The following PLXNA4 variants were observed in gnomAD, a reference collection of about 807,000 sequenced individuals.
PLXNA4 encodes plexin A4.
In PLXNA4, 44 loss-of-function variants were observed where a neutral mutation model predicts 191.8. That is an observed-to-expected ratio of 0.23 (90% confidence interval 0.18 to 0.29). The LOEUF (loss-of-function observed/expected upper bound fraction) is 0.29. Ranked by LOEUF, PLXNA4 falls within the 10% of genes least tolerant of loss-of-function variation. The probability of loss-of-function intolerance (pLI) is 1.00; values close to 1 mark genes in which losing one functional copy is unlikely to be tolerated. For missense variants in PLXNA4, 1,800 were observed against 2,488.8 expected (o/e 0.72, Z 5.89); for synonymous variants, 1,082 against 1,009.5 (o/e 1.07, Z -1.36).
intron 2 of PLXNA4, among the ~76,000 whole-genome samples, chr7:132,606,637 A>G (rs1235793906): frequency 6.6e-6 from 1 of 151,374 alleles, no homozygotes; most frequent in Non-Finnish European, 1.5e-5. Flanking sequence ...TGCATTTCCA[A>G]AACAAGCATT....
rs111380964 is a variant in PLXNA4, at chr7:132,151,003, G to T, written c.4661-2357C>A. Reference sequence around the variant, plus strand: ...GTAGAGCATGGTCATGTCTCCTTGGGAATTATCTCAAAAAGTCAGGAATGT... The same window carrying T: ...GTAGAGCATGGTCATGTCTCCTTGGTAATTATCTCAAAAAGTCAGGAATGT... On this transcript the variant is annotated intron_variant, in intron 25 of 31. Transcript: ENST00000321063. 3.9e-5 allele frequency among the ~76,000 whole-genome samples: 6 copies of T among 152,248 alleles called. 1 individual carries two copies. The highest frequency in any genetic ancestry group is 1.4e-4 in the African/African-American group (6 of 41,554).
intron 3 of PLXNA4, among the ~76,000 whole-genome samples, chr7:132,419,177 G>A (rs1794763533): frequency 6.6e-6 from 1 of 152,160 alleles, no homozygotes; most frequent in South Asian, 2.1e-4. Flanking sequence ...CTTTAAGTGG[G>A]AGAAAATTGG....
At chr7:132,447,202 C>G (rs1053073277) in intron 3 of PLXNA4, among the ~76,000 whole-genome samples, 3 of 152,136 alleles carry the variant, frequency 2.0e-5, no homozygotes, top group African/African-American at 7.2e-5. Context: ...AATGGAATAG[C>G]GCATCACCTG....
chr7:132,371,989 G>A (rs1212588366), intron 3 of PLXNA4, among the ~76,000 whole-genome samples: 1 of 152,204 alleles, frequency 6.6e-6, no homozygotes, highest in Non-Finnish European at 1.5e-5. Context: ...CCACTACTCT[G>A]ATTAATGATT....
intron 3 of PLXNA4, among the ~76,000 whole-genome samples, chr7:132,362,510 A>C (rs1325950337): frequency 6.6e-6 from 1 of 152,212 alleles, no homozygotes; most frequent in East Asian, 1.9e-4. Context: ...AGTAAGCTGC[A>C]ACTTGCACGC....
At chr7:132,149,886 C>T (rs559629840) in intron 25 of PLXNA4, among the ~76,000 whole-genome samples, 1 of 152,312 alleles carries the variant, frequency 6.6e-6, no homozygotes, top group Non-Finnish European at 1.5e-5. Context: ...GCACCAATTC[C>T]TCCCTGCATT....
chr7:132,258,124 C>T (rs939788370), intron 4 of PLXNA4, among the ~76,000 whole-genome samples: 2 of 152,226 alleles, frequency 1.3e-5, no homozygotes, highest in African/African-American at 2.4e-5. Flanking sequence ...GCCCTCATGT[C>T]GGGTCACTGA....
chr7:132,344,495 T>G (rs1332667532), intron 3 of PLXNA4, among the ~76,000 whole-genome samples: 1 of 152,160 alleles, frequency 6.6e-6, no homozygotes, highest in Non-Finnish European at 1.5e-5. Context: ...AGCAACTGCA[T>G]GTGCCTTGCC....
At chr7:132,619,750 G>A (rs151055289) in intron 2 of PLXNA4, among the ~76,000 whole-genome samples, 2 of 152,336 alleles carry the variant, frequency 1.3e-5, no homozygotes, top group Non-Finnish European at 2.9e-5. Flanking sequence ...TCAGACTACT[G>A]GAACATAATT....
chr7:132,377,631 C>A (rs1293167808), intron 3 of PLXNA4, among the ~76,000 whole-genome samples: 6 of 152,084 alleles, frequency 3.9e-5, no homozygotes, highest in Admixed American at 3.9e-4. Context: ...TCCACAGGAG[C>A]CCCTCTCCCC....
intron 2 of PLXNA4, among the ~76,000 whole-genome samples, chr7:132,591,076 G>C (rs778229160): frequency 5.2e-4 from 79 of 152,116 alleles, no homozygotes; most frequent in Non-Finnish European, 8.7e-4. Context: ...TGCAAGGGAG[G>C]CTGGGAAAAA....
upstream of PLXNA4, among the ~76,000 whole-genome samples, chr7:132,578,689 C>A (rs543880730): frequency 5.3e-5 from 8 of 152,164 alleles, no homozygotes; most frequent in African/African-American, 1.7e-4. Flanking sequence ...AGAAGATGAA[C>A]CAAGCCAGAA....
intron 3 of PLXNA4, among the ~76,000 whole-genome samples, chr7:132,361,367 A>G (rs890386127): frequency 3.9e-5 from 6 of 152,094 alleles, no homozygotes; most frequent in Non-Finnish European, 5.9e-5. Flanking sequence ...GCTACAGAAA[A>G]TGATGCGTTG....
chr7:132,150,921 C>T (rs1359061533), intron 25 of PLXNA4, among the ~76,000 whole-genome samples: 6 of 152,048 alleles, frequency 3.9e-5, no homozygotes, highest in African/African-American at 1.2e-4. Context: ...GAGTCATGCC[C>T]GGAAATTATG....
chr7:132,322,184 C>CTGTCTTTTTTTTTTGT lies in PLXNA4; in HGVS notation c.1372-23963_1372-23962insACAAAAAAAAAAGACA, dbSNP rs376377991. 1.6e-5 allele frequency among the ~76,000 whole-genome samples: 2 copies of CTGTCTTTTTTTTTTGT among 122,520 alleles called. 1 individual carries two copies. Among genetic ancestry groups the CTGTCTTTTTTTTTTGT allele is most frequent in the African/African-American group, 6.0e-5 (2 of 33,284 alleles). The allele number at this position is 122,520 out of a possible 152,430, so 80.4% of individuals were successfully genotyped here. ...CTAGAGTTCAATTTCCCTAAAAGGG[C>CTGTCTTTTTTTTTTGT]TTTTTTTTTTTTTTTTTTAACAGAG... On this transcript the variant is annotated intron_variant, in intron 3 of 31. Coordinates refer to ENST00000321063, the MANE Select transcript of PLXNA4 (RefSeq NM_020911.2).
At chr7:132,538,097 A>G (rs1355971795) in intron 1 of PLXNA4, among the ~76,000 whole-genome samples, 1 of 152,170 alleles carries the variant, frequency 6.6e-6, no homozygotes, top group Non-Finnish European at 1.5e-5. Context: ...AGTCCTCCCA[A>G]TGCTGCCACC....
At chr7:132,156,174 A>ACG (rs1161170208) in intron 25 of PLXNA4, among the ~76,000 whole-genome samples, 2 of 150,862 alleles carry the variant, frequency 1.3e-5, no homozygotes, top group Admixed American at 6.6e-5. Flanking sequence ...ACACACACAC[A>ACG]CACACACAGA....
chr7:132,352,985 G>A (rs1803552746), intron 3 of PLXNA4, among the ~76,000 whole-genome samples: 1 of 151,234 alleles, frequency 6.6e-6, no homozygotes, highest in Admixed American at 6.6e-5. Flanking sequence ...GCTCAAACAT[G>A]AAAAAAAAAT....
intron 3 of PLXNA4, among the ~76,000 whole-genome samples, chr7:132,389,090 T>C (rs1452053771): frequency 6.6e-6 from 1 of 152,228 alleles, no homozygotes; most frequent in Non-Finnish European, 1.5e-5. Context: ...TCTGTTCATA[T>C]CCTTTGCCCA....
Sources: allele counts gnomAD v4.1 joint callset (sites outside exome capture counted in the v4.1 genomes callset), GRCh38; gene constraint gnomAD v4.1.1; transcripts MANE v1.5; gene names NCBI Gene and HGNC (gene_info 2026-07-23, HGNC 2026-07-21).